The following PRB3 variants were observed in gnomAD, a reference collection of about 807,000 sequenced individuals.
PRB3 encodes proline rich protein BstNI subfamily 3.
In PRB3, 9 loss-of-function variants were observed where a neutral mutation model predicts 10.0. The observed-to-expected ratio is 0.90, with a 90% CI of 0.54 to 1.57. PRB3 has a LOEUF of 1.57. PRB3 is among the 40% of genes most tolerant of loss of function. The probability of loss-of-function intolerance (pLI) is 0.00; values close to 1 mark genes in which losing one functional copy is unlikely to be tolerated. For missense variants in PRB3, 285 were observed against 385.5 expected, an observed-to-expected ratio of 0.74 and a Z score of 2.18; for synonymous variants, 89 against 138.6, an observed-to-expected ratio of 0.64 and a Z score of 2.52.
chr12:11,267,066 G>C, intron 3 of PRB3, 110 bp downstream of exon 3: 1 of 1,110,632 alleles, frequency 9.0e-7, no homozygotes. Flanking sequence ...TTTAGAAATG[G>C]GTTCTAGGAC....
rs116632484 is a variant in PRB3, at chr12:11,268,687, A to T, written c.65-19T>A. On this transcript the variant is annotated intron_variant, in intron 1 of 3. Transcript: ENST00000538488. The stretch of plus-strand genomic sequence containing the variant: ...CTGACATCTAGAAGAGAAGCACAGG[A>T]TGATGGGAAAGGTTACATCTCGAAT... 2,598 of 1,612,386 alleles carry T rather than the reference A, an allele frequency of 1.6e-3. 41 individuals carry two copies. The African/African-American group carries it at 0.031, about 19-fold the overall frequency.
At chr12:11,266,057 AG>A (rs2076568555) in intron 3 of PRB3, 28 bp from the exon 4 acceptor site, 1 of 454,976 alleles carries the variant, frequency 2.2e-6, no homozygotes, top group African/African-American at 2.0e-5. Flanking sequence ...GGAATTTCAT[AG>A]AGCAGACTTG....
intron 2 of PRB3, 102 bp from the exon 3 acceptor site, chr12:11,268,250 ATTTCTTTGCAT>A: frequency 1.9e-6 from 3 of 1,565,260 alleles, no homozygotes; most frequent in Non-Finnish European, 2.6e-6. Flanking sequence ...CCAGACACTA[ATTTCTTTGCAT>A]TTTCAGTGAA....
At chr12:11,268,769 C>T in intron 1 of PRB3, 101 bp from the exon 2 acceptor site, 3 of 1,360,170 alleles carry the variant, frequency 2.2e-6, no homozygotes, top group Non-Finnish European at 3.2e-6. Context: ...ACACCCCATG[C>T]ATCCCCTAGG....
Position 11,267,929 on chromosome 12 carries a change from C to T in PRB3, c.320G>A (p.Gly107Glu), listed in dbSNP as rs1283803436. The T allele has an allele frequency of 8.4e-6, 13 of 1,542,184 alleles. No individual in the cohort carries two copies. Among genetic ancestry groups the T allele is most frequent in the East Asian group, 2.3e-5 (1 of 42,930 alleles). Residue 107 changes from glycine to glutamate, a missense_variant, in exon 3 of 4, where the codon GGA becomes GAA. Transcript: ENST00000538488. ...GKPEGQPPQG[G>E]NQSQGPPPRP... ...AGGTGGGGGACCTTGGGACTGGTTT[C>T]CTCCTTGTGGGGGTTGTCCTTCTGG...
At position 11,267,870 on chromosome 12, in the gene PRB3, C is replaced by T. The variant is rs1413040555; in HGVS notation, c.379G>A (p.Gly127Arg). ...PGKPEGPPPQ[G>R]GNQSQGPPPR... ...GGGGGACCTTGGGACTGGTTTCCTC[C>T]TTGTGGGGGTGGTCCTTCTGGCTTT... The change falls in exon 3 of 4, where the codon GGA (glycine) becomes AGA (arginine). Residue 127 changes from glycine (G) to arginine (R), a missense_variant. Around this residue, in one of 3 missense-constraint regions of PRB3, gnomAD observed 30 missense variants for 149.2 expected, o/e 0.20. Transcript: ENST00000538488. 3 of 812,978 alleles carry T rather than the reference C, an allele frequency of 3.7e-6. No homozygotes were observed. The highest frequency in any genetic ancestry group is 2.9e-5 in the South Asian group (2 of 68,356). The allele number at this position is 812,978 out of a possible 1,614,324, so 50.4% of individuals were successfully genotyped here.
chr12:11,266,283 T>C (rs1425137084), intron 3 of PRB3, among the ~76,000 whole-genome samples: 2 of 152,232 alleles, frequency 1.3e-5, no homozygotes, highest in Non-Finnish European at 2.9e-5. Context: ...TCATTGCTGT[T>C]GAATTTGTTC....
chr12:11,266,448 A>G (rs1007567811), intron 3 of PRB3, among the ~76,000 whole-genome samples: 1 of 152,172 alleles, frequency 6.6e-6, no homozygotes, highest in Non-Finnish European at 1.5e-5. Flanking sequence ...ACAGAAAACC[A>G]CTGAAGAGAT....
intron 3 of PRB3, 137 bp downstream of exon 3, chr12:11,267,039 G>T: frequency 1.1e-6 from 1 of 911,262 alleles, no homozygotes; most frequent in Non-Finnish European, 1.8e-6. Flanking sequence ...CTATTCCAGA[G>T]TATCTGAATA....
At chr12:11,269,339 T>G (rs571579836) in intron 1 of PRB3, among the ~76,000 whole-genome samples, 2 of 152,190 alleles carry the variant, frequency 1.3e-5, no homozygotes, top group African/African-American at 4.8e-5. Flanking sequence ...CACCACTGCA[T>G]CCTTCACAGC....
chr12:11,268,189 G>A (rs746387487), intron 2 of PRB3, 41 bp from the exon 3 acceptor site: 30 of 1,613,164 alleles, frequency 1.9e-5, no homozygotes, highest in Middle Eastern at 1.6e-4. Context: ...AATAGTTGCC[G>A]CAAATTTTTA....
In PRB3 at chr12:11,267,196, C is replaced by A. The variant is rs372652693; in HGVS notation, c.1053G>T (p.Gln351His). 3.8e-4 allele frequency: 607 copies of A among 1,610,836 alleles called. 8 individuals carry two copies. The South Asian group carries it at 6.1e-3, about 16-fold the overall frequency. Residue 351 changes from glutamine (Q) to histidine (H), a missense_variant, in exon 3 of 4, where the codon CAG (glutamine) becomes CAT (histidine). Around this residue, in one of 3 missense-constraint regions of PRB3, gnomAD observed 108 missense variants for 106.9 expected, o/e 1.01. Coordinates refer to ENST00000538488, the MANE Select transcript of PRB3 (RefSeq NM_001394862.1). ...CATACCTGTCATTGAACCTTGATTA[C>A]TGGGGAGGCTGTCCCTGGGGAGGTC... is the stretch of plus-strand genomic sequence containing the variant. Reference protein sequence around the residue: ...PHRPPQGQPPQ With the variant: ...PHRPPQGQPPH
At position 11,267,817 on chromosome 12, in the gene PRB3, TGG is replaced by T. The variant is rs1276663346; in HGVS notation, c.430_431del (p.Pro144ThrfsTer153). 860 of 357,488 alleles carry T rather than the reference TGG, an allele frequency of 2.4e-3. 168 individuals carry two copies. Among genetic ancestry groups the T allele is most frequent in the Non-Finnish European group, 2.9e-3 (597 of 204,280 alleles). The allele number at this position is 357,488 out of a possible 1,614,324, so 22.1% of individuals were successfully genotyped here. ...GGGACTGGTTTCCTCCTTGTGGGGG[TGG>T]TCCTTCTGGCTTTCCCGGACGAGGC... ...PPPRPGKPEG[P>X]PPQGGNQSQG... On this transcript the variant is annotated frameshift_variant, in exon 3 of 4. Transcript: ENST00000538488. LOFTEE classifies it low-confidence loss of function (END_TRUNC).
rs1013798388 is a variant in PRB3 at position 11,269,701 on chromosome 12, C to G, written c.-32G>C. On this transcript the variant is annotated 5_prime_UTR_variant, in exon 1 of 4. Transcript: ENST00000538488. ...GGAGGCTCTGGAGTCACTCCCAACT[C>G]TGTGCTGGGAGAACCATGGCAGCTC... 2.2e-5 allele frequency: 35 copies of G among 1,613,202 alleles called. No homozygotes were observed. The highest frequency in any genetic ancestry group is 3.0e-5 in the Non-Finnish European group (35 of 1,179,238).
rs1315747403 is a variant in PRB3, at chr12:11,269,587, TCTC to T, written c.64+16_64+18del. 1.9e-6 allele frequency: 3 copies of T among 1,613,706 alleles called. No individual in the cohort carries two copies. Among genetic ancestry groups the T allele is most frequent in the Non-Finnish European group, 2.5e-6 (3 of 1,179,690 alleles). On this transcript the variant is annotated intron_variant, in intron 1 of 3. Coordinates refer to ENST00000538488, the MANE Select transcript of PRB3 (RefSeq NM_001394862.1). Reference sequence around the variant, plus strand: ...AGCCCCAAGCAGAGTCACCACATCTTCTCCTCCTTCTGTCTTACCTTCATTTAA... The same window carrying T: ...AGCCCCAAGCAGAGTCACCACATCTTCTCCTTCTGTCTTACCTTCATTTAA...
Position 11,267,165 on chromosome 12 carries a change from T to G in PRB3, c.*17+11A>C. 1 of 1,589,858 alleles carries G rather than the reference T, an allele frequency of 6.3e-7. No individual in the cohort carries two copies. ...TTAGAGCACTTGGTGAAGAATAAAC[T>G]GGAATCATACCTGTCATTGAACCTT... On this transcript the variant is annotated intron_variant, in intron 3 of 3. Transcript: ENST00000538488.
chr12:11,269,144 A>AT (rs1948625840), intron 1 of PRB3, among the ~76,000 whole-genome samples: 1 of 152,132 alleles, frequency 6.6e-6, no homozygotes, highest in South Asian at 2.1e-4. Flanking sequence ...TGATATTTCT[A>AT]TATCTGTAGT....
At position 11,268,677 on chromosome 12, in the gene PRB3, G is replaced by A. The variant is rs780469591; in HGVS notation, c.65-9C>T. 21 of 1,612,658 alleles carry A rather than the reference G, an allele frequency of 1.3e-5. No individual in the cohort carries two copies. In the South Asian group the frequency reaches 2.2e-4, roughly 17 times the overall value. On this transcript the variant is annotated splice_polypyrimidine_tract_variant and intron_variant, in intron 1 of 3. Transcript: ENST00000538488. ...TTCTTCCTGGCTGACATCTAGAAGA[G>A]AAGCACAGGATGATGGGAAAGGTTA...
intron 3 of PRB3, 98 bp downstream of exon 3, chr12:11,267,078 A>C: frequency 8.1e-7 from 1 of 1,236,996 alleles, no homozygotes; most frequent in Admixed American, 1.7e-5. Flanking sequence ...TTCTAGGACA[A>C]TACAATGTCA....
Sources: allele counts gnomAD v4.1 joint callset (sites outside exome capture counted in the v4.1 genomes callset), GRCh38; gene constraint gnomAD v4.1.1; regional missense constraint gnomAD v4.1.1; transcripts MANE v1.5; gene names NCBI Gene and HGNC (gene_info 2026-07-23, HGNC 2026-07-21).